Variants in TSHR observed in about 807,000 individuals in gnomAD.
TSHR encodes thyrotropin receptor.
A neutral mutation model predicts 64.1 loss-of-function variants in TSHR; 51 were observed. The observed-to-expected ratio is 0.80, with a 90% confidence interval of 0.64 to 1.01. The LOEUF is 1.01. TSHR is among the 50% of genes least tolerant of loss of function. The probability of loss-of-function intolerance (pLI) is 0.00; values close to 1 mark genes in which losing one functional copy is unlikely to be tolerated. For missense variants in TSHR, 877 were observed against 942.8 expected, an observed-to-expected ratio of 0.93 and a Z score of 0.91; for synonymous variants, 361 against 361.9, an observed-to-expected ratio of 1.00 and a Z score of 0.03.
intron 1 of TSHR, among the ~76,000 whole-genome samples, chr14:80,986,623 A>G (rs755784598): frequency 6.6e-6 from 1 of 152,016 alleles, no homozygotes; most frequent in African/African-American, 2.4e-5. Flanking sequence ...AGTAGCTGAG[A>G]TTACAGGCGC....
chr14:81,033,059 C>A, intron 1 of TSHR: 1 of 360,386 alleles, frequency 2.8e-6, no homozygotes, highest in South Asian at 3.0e-5. Context: ...GAAGACATCA[C>A]CCAAATCATG....
At chr14:81,113,134 T>C (rs980668772) in intron 8 of TSHR, among the ~76,000 whole-genome samples, 1 of 152,048 alleles carries the variant, frequency 6.6e-6, no homozygotes, top group African/African-American at 2.4e-5. Flanking sequence ...GAAGACCACT[T>C]AGGAATATGC....
intron 1 of TSHR, among the ~76,000 whole-genome samples, chr14:80,961,350 T>A (rs537967333): frequency 1.3e-5 from 2 of 152,242 alleles, no homozygotes; most frequent in Non-Finnish European, 2.9e-5. Context: ...TATAATTGTA[T>A]AAGTGTGCTT....
chr14:81,060,903 C>G (rs879753582), intron 1 of TSHR, among the ~76,000 whole-genome samples: 1 of 152,062 alleles, frequency 6.6e-6, no homozygotes, highest in Non-Finnish European at 1.5e-5. Flanking sequence ...AAGAGCGTAA[C>G]TCAAAAAATG....
At chr14:81,045,039 C>T (rs1172002268) in intron 1 of TSHR, among the ~76,000 whole-genome samples, 1 of 152,128 alleles carries the variant, frequency 6.6e-6, no homozygotes, top group Non-Finnish European at 1.5e-5. Flanking sequence ...AAATGTGGTA[C>T]ATACACACCA....
At chr14:81,080,975 A>G (rs1023761053) in intron 3 of TSHR, among the ~76,000 whole-genome samples, 3 of 152,192 alleles carry the variant, frequency 2.0e-5, no homozygotes, top group Non-Finnish European at 2.9e-5. Context: ...TATTAGAGAG[A>G]ATTTGGAAAG....
At chr14:81,028,531 G>C (rs958279757) in intron 1 of TSHR, among the ~76,000 whole-genome samples, 1 of 151,892 alleles carries the variant, frequency 6.6e-6, no homozygotes, top group Non-Finnish European at 1.5e-5. Context: ...AGTAGTAAGG[G>C]GTAGCTGGAA....
chr14:81,033,088 T>A (rs1376993465), intron 1 of TSHR: 1 of 363,356 alleles, frequency 2.8e-6, no homozygotes, highest in South Asian at 3.0e-5. Flanking sequence ...TGGGCTCATA[T>A]GCATTACTCA....
chr14:81,144,314 A>G lies in TSHR; in HGVS notation c.2256A>G (p.Gln752=). The change falls in exon 10 of 10, where the codon CAA becomes CAG. Residue 752 remains glutamine (Q), a synonymous_variant. Coordinates refer to ENST00000298171, the MANE Select transcript of TSHR (RefSeq NM_000369.5). ...ACTCCCATCTAACCCCAAAGAAGCA[A>G]GGCCAAATCTCAGAAGAGTATATGC... The part of the protein sequence containing the change: ...IENSHLTPKK[Q]GQISEEYMQT... 6.2e-7 allele frequency: 1 copy of G among 1,614,214 alleles called. No individual in the cohort carries two copies.
chr14:81,070,052 A>G (rs1886944823), intron 3 of TSHR, among the ~76,000 whole-genome samples: 1 of 152,136 alleles, frequency 6.6e-6, no homozygotes, highest in African/African-American at 2.4e-5. Context: ...AGTAATCTGG[A>G]AGATAGGTCA....
chr14:81,062,126 T>A lies in TSHR; in HGVS notation c.171-22T>A, dbSNP rs1886287551. The A allele has an allele frequency of 3.1e-6, 5 of 1,595,042 alleles. No individual in the cohort carries two copies. The South Asian group carries it at 5.6e-5, about 18-fold the overall frequency. On this transcript the variant is annotated intron_variant, in intron 1 of 9. Transcript: ENST00000298171. ...AAAGCCCAATGATTAAAACTCTAAT[T>A]ATGTAACTGTTATTTTCACAGGAAG...
chr14:81,032,819 G>T, intron 1 of TSHR: 1 of 388,560 alleles, frequency 2.6e-6, no homozygotes. Context: ...AGGCTGTTAA[G>T]ATGCTAAGAT....
At chr14:81,111,848 A>G (rs1476666603) in intron 8 of TSHR, among the ~76,000 whole-genome samples, 1 of 152,222 alleles carries the variant, frequency 6.6e-6, no homozygotes, top group Non-Finnish European at 1.5e-5. Flanking sequence ...ATAAATAATT[A>G]AAGCACTCTT....
At chr14:81,092,267 G>T (rs1013615655) in intron 5 of TSHR, among the ~76,000 whole-genome samples, 1 of 152,120 alleles carries the variant, frequency 6.6e-6, no homozygotes, top group Non-Finnish European at 1.5e-5. Context: ...ACCCCAAGAT[G>T]AGGATTAAGT....
chr14:81,047,329 C>T (rs1273034912), intron 1 of TSHR, among the ~76,000 whole-genome samples: 1 of 152,118 alleles, frequency 6.6e-6, no homozygotes, highest in African/African-American at 2.4e-5. Flanking sequence ...CCAATACACA[C>T]ACACACACCC....
In TSHR at chr14:80,978,534, A is replaced by G. The variant is rs898255142; in HGVS notation, c.170+22684A>G. Among the ~76,000 whole-genome samples, 6 of 152,352 alleles carry G rather than the reference A, an allele frequency of 3.9e-5. No individual in the cohort carries two copies. In the East Asian group the frequency reaches 1.2e-3, roughly 29 times the overall value. On this transcript the variant is annotated intron_variant, in intron 1 of 9. Coordinates refer to ENST00000298171, the MANE Select transcript of TSHR (RefSeq NM_000369.5). ...AAACCAATGGGGAGCTCTAGAGCAAAGACTGCCTGTTAGAGGGACCCACAT... is the reference window on the plus strand; with the variant it reads ...AAACCAATGGGGAGCTCTAGAGCAAGGACTGCCTGTTAGAGGGACCCACAT...
intron 3 of TSHR, among the ~76,000 whole-genome samples, chr14:81,071,834 C>G (rs2139920899): frequency 6.6e-6 from 1 of 152,288 alleles, no homozygotes; most frequent in South Asian, 2.1e-4. Context: ...GTGATTTATT[C>G]TATAACTCCA....
intron 8 of TSHR, among the ~76,000 whole-genome samples, chr14:81,114,495 G>A (rs369592492): frequency 6.6e-6 from 1 of 152,204 alleles, no homozygotes; most frequent in Non-Finnish European, 1.5e-5. Flanking sequence ...GGCGCACCAC[G>A]AGATTATATC....
chr14:81,136,033 T>G (rs1405585413), intron 8 of TSHR, among the ~76,000 whole-genome samples: 1 of 152,160 alleles, frequency 6.6e-6, no homozygotes, highest in South Asian at 2.1e-4. Flanking sequence ...TATAATAGAT[T>G]CTAATTTTGT....
Sources: gnomAD v4.1 joint callset for allele counts (sites outside exome capture counted in the v4.1 genomes callset) on GRCh38, gnomAD v4.1.1 for gene constraint, MANE v1.5 for transcripts, NCBI Gene and HGNC (gene_info 2026-07-23, HGNC 2026-07-21) for gene names.